Variants in PCDH19 observed in about 807,000 individuals in gnomAD.
PCDH19 encodes the protein protocadherin-19.
PCDH19 carries 6 observed loss-of-function variants against 46.2 expected under a neutral mutation model. The observed-to-expected ratio is 0.13, with a 90% CI of 0.07 to 0.26. The LOEUF (loss-of-function observed/expected upper bound fraction) is 0.26. Ranked by LOEUF, PCDH19 falls within the 10% of genes least tolerant of loss-of-function variation. The pLI, the probability that PCDH19 is intolerant of heterozygous loss-of-function variation, is 1.00. For missense variants in PCDH19, 740 were observed against 972.3 expected (o/e 0.76, Z 3.18); for synonymous variants, 481 against 415.7 (o/e 1.16, Z -1.91).
chrX:100,331,888 G>A (rs1021891495), intron 5 of PCDH19, among the ~76,000 whole-genome samples: 1 of 111,846 alleles, frequency 8.9e-6, no homozygotes, highest in Non-Finnish European at 1.9e-5. Context: ...ACCCAGTCTC[G>A]GGCATTTCTT....
intron 4 of PCDH19, among the ~76,000 whole-genome samples, chrX:100,344,884 C>A (rs2210760): frequency 0.33 from 34,346 of 105,398 alleles, 5,314 homozygotes; most frequent in East Asian, 0.65. Flanking sequence ...AGGAAAAAAA[C>A]CAAAAGTGTC....
intron 3 of PCDH19, among the ~76,000 whole-genome samples, chrX:100,360,579 G>T (rs889438281): frequency 8.9e-6 from 1 of 112,114 alleles, no homozygotes; most frequent in East Asian, 2.8e-4. Context: ...AATATAAACA[G>T]ATTATTTATT....
At chrX:100,353,936 A>G (rs1439075542) in intron 3 of PCDH19, among the ~76,000 whole-genome samples, 2 of 111,945 alleles carry the variant, frequency 1.8e-5, no homozygotes, top group East Asian at 2.8e-4. Context: ...GGATGGGGCT[A>G]TGCTGATTCA....
chrX:100,347,070 T>G (rs1926425788), intron 4 of PCDH19, among the ~76,000 whole-genome samples: 1 of 108,826 alleles, frequency 9.2e-6, no homozygotes, highest in Non-Finnish European at 1.9e-5. Flanking sequence ...AGTGACAGTC[T>G]GGAAAAAAAA....
chrX:100,335,435 T>TA (rs983621899), intron 5 of PCDH19, among the ~76,000 whole-genome samples: 1 of 105,892 alleles, frequency 9.4e-6, no homozygotes, highest in African/African-American at 3.4e-5. Context: ...AGGTGGATTT[T>TA]AAAAAAAAAT....
Position 100,296,580 on chromosome X carries a change from G to A in PCDH19, c.3144C>T (p.Val1048=). Residue 1048 remains valine, a synonymous_variant, in exon 6 of 6, where the codon GTC becomes GTT. Transcript: ENST00000373034. ...TGCCTGCCTCCCGGATAACGCTGTT[G>A]ACCTTGGGGCTGCAGATGGTCACAT... ...TVDVTICSPK[V]NSVIREAGNG... 8.3e-7 allele frequency: 1 copy of A among 1,211,561 alleles called. No individual in the cohort carries two copies. The highest frequency in any genetic ancestry group is 1.1e-6 in the Non-Finnish European group (1 of 895,468).
intron 2 of PCDH19, 119 bp downstream of exon 2, chrX:100,403,405 T>G (rs918230748): frequency 5.2e-5 from 36 of 689,789 alleles, no homozygotes; most frequent in Non-Finnish European, 7.8e-5. Context: ...CTTTCGCGTC[T>G]CCTCCACACC....
intron 3 of PCDH19, among the ~76,000 whole-genome samples, chrX:100,363,129 CCT>C (rs1436947056): frequency 2.9e-4 from 32 of 110,762 alleles, no homozygotes; most frequent in African/African-American, 1.0e-3. Flanking sequence ...AACATAAAAC[CCT>C]GTCTCTACTA....
intron 5 of PCDH19, among the ~76,000 whole-genome samples, chrX:100,302,322 T>G (rs1924807418): frequency 8.9e-6 from 1 of 112,012 alleles, no homozygotes; most frequent in African/African-American, 3.2e-5. Flanking sequence ...AATTCATGAT[T>G]AATACATTAT....
chrX:100,318,972 G>T (rs1349617415), intron 5 of PCDH19, among the ~76,000 whole-genome samples: 11 of 101,332 alleles, frequency 1.1e-4, no homozygotes, highest in Non-Finnish European at 2.0e-4. Flanking sequence ...TGTTGCAGTA[G>T]ATCTCATCAT....
At position 100,357,520 on chromosome X, in the gene PCDH19, T is replaced by C. The variant is rs192621236; in HGVS notation, c.2617-6816A>G. On this transcript the variant is annotated intron_variant, in intron 3 of 5. Transcript: ENST00000373034. Reference sequence around the variant, plus strand: ...TTCTACCTCATTCTGCAAAATGCTGTTTGGAAAATCTTCCTCACCCACTAT... The same window carrying C: ...TTCTACCTCATTCTGCAAAATGCTGCTTGGAAAATCTTCCTCACCCACTAT... Among the ~76,000 whole-genome samples, 6 of 112,063 alleles carry C rather than the reference T, an allele frequency of 5.4e-5. No homozygotes were observed. The East Asian group carries it at 1.4e-3, about 26-fold the overall frequency.
intron 5 of PCDH19, among the ~76,000 whole-genome samples, chrX:100,304,524 C>T (rs1435025577): frequency 9.0e-6 from 1 of 111,524 alleles, no homozygotes; most frequent in Non-Finnish European, 1.9e-5. Context: ...CTTTAACACC[C>T]CCAAAAGATT....
At chrX:100,316,911 A>T (rs927652802) in intron 5 of PCDH19, among the ~76,000 whole-genome samples, 2 of 112,020 alleles carry the variant, frequency 1.8e-5, no homozygotes, top group Admixed American at 1.9e-4. Flanking sequence ...ATTTCAATAG[A>T]TATTTTATTG....
chrX:100,371,759 T>C (rs1213834380), intron 3 of PCDH19, among the ~76,000 whole-genome samples: 1 of 110,528 alleles, frequency 9.0e-6, no homozygotes, highest in Admixed American at 9.7e-5. Flanking sequence ...CTGTTTAGTT[T>C]ACTGCTGTTC....
At chrX:100,324,410 G>A (rs758369651) in intron 5 of PCDH19, among the ~76,000 whole-genome samples, 150 of 111,748 alleles carry the variant, frequency 1.3e-3, no homozygotes, top group African/African-American at 4.3e-3. Context: ...CAAAGCAAGC[G>A]CACCACACCA....
Position 100,295,954 on chromosome X carries a change from T to C in PCDH19, c.*323A>G, listed in dbSNP as rs942611987. 4.3e-5 allele frequency: 10 copies of C among 231,655 alleles called. No homozygotes were observed. Among genetic ancestry groups the C allele is most frequent in the Non-Finnish European group, 6.9e-5 (9 of 130,442 alleles). 19.1% of individuals were successfully genotyped at this position (231,655 alleles called of 1,213,427 possible). On this transcript the variant is annotated 3_prime_UTR_variant, in exon 6 of 6. Coordinates refer to ENST00000373034, the MANE Select transcript of PCDH19 (RefSeq NM_001184880.2). ...ATCCTCCACAAACAATGGTAATTTA[T>C]ATTATAATTTTGACATAGAAAAATA...
chrX:100,312,903 T>C (rs767866609), intron 5 of PCDH19, among the ~76,000 whole-genome samples: 1 of 110,973 alleles, frequency 9.0e-6, no homozygotes, highest in Non-Finnish European at 1.9e-5. Flanking sequence ...GGCTCTCTGG[T>C]TGAGATGACC....
At chrX:100,316,496 A>C (rs1925310739) in intron 5 of PCDH19, among the ~76,000 whole-genome samples, 1 of 111,802 alleles carries the variant, frequency 8.9e-6, no homozygotes, top group African/African-American at 3.2e-5. Flanking sequence ...CATCAAACAA[A>C]ACCTGCTATA....
At chrX:100,351,698 G>T (rs1926575528) in intron 3 of PCDH19, among the ~76,000 whole-genome samples, 1 of 112,211 alleles carries the variant, frequency 8.9e-6, no homozygotes, top group African/African-American at 3.2e-5. Flanking sequence ...GGAGCCTTCT[G>T]AAATTACTTC....
Sources: gnomAD v4.1 joint callset for allele counts (sites outside exome capture counted in the v4.1 genomes callset) on GRCh38, gnomAD v4.1.1 for gene constraint, MANE v1.5 for transcripts, NCBI Gene and HGNC (gene_info 2026-07-23, HGNC 2026-07-21) for gene names.